The following NTN1 variants were observed in gnomAD, a reference collection of about 807,000 sequenced individuals.
The protein encoded by NTN1 is netrin-1.
A neutral mutation model predicts 54.2 loss-of-function variants in NTN1; 11 were observed. That is an observed-to-expected ratio of 0.20 (90% CI 0.13 to 0.34). The LOEUF (loss-of-function observed/expected upper bound fraction) is 0.34, where lower values mean the gene tolerates loss of function less well. NTN1 is among the 10% of genes least tolerant of loss of function. The pLI is 1.00. For synonymous variants in NTN1, 371 were observed against 382.0 expected (o/e 0.97, Z 0.33); for missense variants, 740 against 893.1 (o/e 0.83, Z 2.18).
intron 2 of NTN1, among the ~76,000 whole-genome samples, chr17:9,029,719 C>T (rs558253342): frequency 3.9e-5 from 6 of 152,300 alleles, no homozygotes; most frequent in Middle Eastern, 3.4e-3. Context: ...ATTGGCCGGG[C>T]GCGGTGGCTC....
chr17:9,180,684 C>T (rs943786143), intron 4 of NTN1, among the ~76,000 whole-genome samples: 3 of 152,138 alleles, frequency 2.0e-5, no homozygotes, highest in East Asian at 1.9e-4. Flanking sequence ...CCAGGGCCTT[C>T]GAGAGGAGCT....
At chr17:9,068,505 T>C (rs574984164) in intron 2 of NTN1, among the ~76,000 whole-genome samples, 8 of 148,216 alleles carry the variant, frequency 5.4e-5, no homozygotes, top group African/African-American at 2.0e-4. Flanking sequence ...TGTGTGTGTA[T>C]GTGTGAATTT....
intron 2 of NTN1, among the ~76,000 whole-genome samples, chr17:9,139,483 C>CTTCA (rs1306198208): frequency 2.0e-5 from 3 of 152,176 alleles, no homozygotes; most frequent in Admixed American, 2.0e-4. Flanking sequence ...GACCCACAGG[C>CTTCA]TTCAGTTCCA....
chr17:9,169,961 C>T (rs978753491), intron 3 of NTN1, among the ~76,000 whole-genome samples: 11 of 152,218 alleles, frequency 7.2e-5, no homozygotes, highest in Non-Finnish European at 1.3e-4. Flanking sequence ...CCCAAGTTAA[C>T]GGAAGTTCTG....
chr17:9,209,556 C>G (rs973177068), intron 5 of NTN1, among the ~76,000 whole-genome samples: 1 of 152,142 alleles, frequency 6.6e-6, no homozygotes, highest in Admixed American at 6.5e-5. Flanking sequence ...CCTGCCTCTG[C>G]CCCTGTTGGT....
intron 2 of NTN1, among the ~76,000 whole-genome samples, chr17:9,102,980 GAGGAGGTGGC>G (rs1227083947): frequency 6.6e-6 from 1 of 152,216 alleles, no homozygotes; most frequent in Non-Finnish European, 1.5e-5. Flanking sequence ...AGTGACTGTG[GAGGAGGTGGC>G]AGGAGGTGGC....
intron 5 of NTN1, among the ~76,000 whole-genome samples, chr17:9,206,336 C>T (rs1445982392): frequency 6.6e-6 from 1 of 152,210 alleles, no homozygotes; most frequent in Non-Finnish European, 1.5e-5. Context: ...AAGAAAGAGC[C>T]TGCTGGGGAC....
intron 3 of NTN1, among the ~76,000 whole-genome samples, chr17:9,164,725 G>A (rs1285843065): frequency 4.6e-5 from 7 of 152,116 alleles, no homozygotes; most frequent in African/African-American, 1.7e-4. Flanking sequence ...TGTGTCTGCG[G>A]ACTTACGGCT....
intron 2 of NTN1, among the ~76,000 whole-genome samples, chr17:9,112,601 G>A (rs4791791): frequency 0.12 from 17,055 of 146,134 alleles, 1,416 homozygotes; most frequent in East Asian, 0.37. Flanking sequence ...CGAGGCAGGC[G>A]GATCACGAGG....
intron 2 of NTN1, among the ~76,000 whole-genome samples, chr17:9,026,395 G>GGC (rs372426014): frequency 9.4e-5 from 14 of 148,804 alleles, no homozygotes; most frequent in Admixed American, 4.6e-4. Flanking sequence ...TTCTTCCGGG[G>GGC]GGGGGGAACA....
intron 2 of NTN1, among the ~76,000 whole-genome samples, chr17:9,026,934 A>G (rs997481884): frequency 6.7e-6 from 1 of 149,162 alleles, no homozygotes; most frequent in Non-Finnish European, 1.5e-5. Flanking sequence ...TGTCTCTGCA[A>G]GACGAGCACC....
intron 2 of NTN1, among the ~76,000 whole-genome samples, chr17:9,082,828 TC>T (rs1037612773): frequency 1.3e-5 from 2 of 152,012 alleles, no homozygotes; most frequent in African/African-American, 4.8e-5. Flanking sequence ...TCTGAAGTCT[TC>T]CTTAGGTCTA....
intron 2 of NTN1, among the ~76,000 whole-genome samples, chr17:9,070,480 G>A (rs985008474): frequency 1.5e-4 from 23 of 152,200 alleles, no homozygotes; most frequent in African/African-American, 3.9e-4. Context: ...CTAAACCCCC[G>A]AGACTTTGGA....
chr17:9,005,364 T>C, the NTN1 span, among the ~76,000 whole-genome samples: 1 of 152,048 alleles, frequency 6.6e-6, no homozygotes, highest in African/African-American at 2.4e-5. Flanking sequence ...CCAGAATGGA[T>C]TTCATGGCAA....
intron 5 of NTN1, among the ~76,000 whole-genome samples, chr17:9,186,154 A>G (rs2092432396): frequency 6.6e-6 from 1 of 152,160 alleles, no homozygotes; most frequent in Non-Finnish European, 1.5e-5. Context: ...GGTGGGGCCA[A>G]TGTGTAGCAT....
intron 2 of NTN1, 78 bp from the exon 3 acceptor site, chr17:9,162,735 G>C: frequency 7.4e-7 from 1 of 1,356,316 alleles, no homozygotes; most frequent in Non-Finnish European, 1.0e-6. Flanking sequence ...TTGAGGGGTG[G>C]GGTTTCTTTT....
chr17:9,106,709 T>C (rs1369812885), intron 2 of NTN1, among the ~76,000 whole-genome samples: 1 of 152,054 alleles, frequency 6.6e-6, no homozygotes, highest in African/African-American at 2.4e-5. Flanking sequence ...AGACGGGGGT[T>C]TCACCATGTT....
intron 2 of NTN1, among the ~76,000 whole-genome samples, chr17:9,114,164 A>ATATATATAT (rs1404097905): frequency 2.7e-4 from 22 of 80,484 alleles, no homozygotes; most frequent in African/African-American, 6.7e-4. Flanking sequence ...AAAAAAAAAA[A>ATATATATAT]AAATATATAT....
intron 5 of NTN1, among the ~76,000 whole-genome samples, chr17:9,195,942 C>T (rs1904622216): frequency 6.6e-6 from 1 of 152,246 alleles, no homozygotes. Context: ...AGTATTTCAC[C>T]CCACTCTAGC....
Sources: gnomAD v4.1 joint callset for allele counts (sites outside exome capture counted in the v4.1 genomes callset) on GRCh38, gnomAD v4.1.1 for gene constraint, MANE v1.5 for transcripts, NCBI Gene and HGNC (gene_info 2026-07-23, HGNC 2026-07-21) for gene names.